LRRC49: variants seen among roughly 807,000 people sequenced by gnomAD.
The protein encoded by LRRC49 is leucine-rich repeat-containing protein 49.
A neutral mutation model predicts 83.3 loss-of-function variants in LRRC49; 50 were observed. The observed-to-expected ratio is 0.60, with a 90% confidence interval of 0.48 to 0.76. The LOEUF is 0.76. Ranked by LOEUF, LRRC49 falls within the 30% of genes least tolerant of loss-of-function variation. LRRC49 has a pLI of 0.00. For synonymous variants in LRRC49, 286 were observed against 283.3 expected, an observed-to-expected ratio of 1.01 and a Z score of -0.10; for missense variants, 704 against 809.1, an observed-to-expected ratio of 0.87 and a Z score of 1.58.
chr15:70,893,604 G>T lies in LRRC49; in HGVS notation c.69G>T (p.Leu23=), dbSNP rs747499387. ...AANNVNCGLH[L]VIQTSSLPEK... ...TTCAGGTGAACTGCGGGCTTCATCTGGTTATTCAAACATCATCGCTTCCTG... is the reference window on the plus strand; with the variant it reads ...TTCAGGTGAACTGCGGGCTTCATCTTGTTATTCAAACATCATCGCTTCCTG... The change falls in exon 2 of 16, where the codon CTG becomes CTT. Residue 23 remains leucine (L), a synonymous_variant. Coordinates refer to ENST00000260382, the MANE Select transcript of LRRC49 (RefSeq NM_017691.5). 6.2e-7 allele frequency: 1 copy of T among 1,610,216 alleles called. No individual in the cohort carries two copies. The highest frequency in any genetic ancestry group is 8.5e-7 in the Non-Finnish European group (1 of 1,178,234).
intron 14 of LRRC49, among the ~76,000 whole-genome samples, chr15:71,026,718 T>C (rs369288700): frequency 1.3e-5 from 2 of 152,252 alleles, no homozygotes; most frequent in South Asian, 2.1e-4. Context: ...TTCATGTGTT[T>C]GTTGGCCACA....
intron 15 of LRRC49, 35 bp downstream of exon 15, chr15:71,037,367 A>G (rs2141298799): frequency 1.3e-6 from 2 of 1,540,118 alleles, no homozygotes; most frequent in East Asian, 4.6e-5. Context: ...ATCTAATGCC[A>G]GGATATATCC....
At chr15:70,920,200 T>C (rs1596021055) in intron 7 of LRRC49, among the ~76,000 whole-genome samples, 3 of 152,196 alleles carry the variant, frequency 2.0e-5, no homozygotes, top group Admixed American at 2.0e-4. Flanking sequence ...AAGAACTAAG[T>C]GTACTATAAA....
rs1595960385 is a variant in LRRC49 at position 70,854,295 on chromosome 15, G to A, written c.-299+826G>A. On this transcript the variant is annotated intron_variant, in intron 1 of 16. Transcript: ENST00000544974. ...CCCCGACCGCTAGTGGAGCGCCCGC[G>A]CAGGCGGGGCCTCGGAGGTGGAGGG... The A allele has an allele frequency of 1.7e-5, 3 of 175,498 alleles. No individual in the cohort carries two copies. The South Asian group carries it at 4.9e-4, about 29-fold the overall frequency. The allele number at this position is 175,498 out of a possible 1,614,324, so 10.9% of individuals were successfully genotyped here.
At chr15:70,964,064 A>G in intron 9 of LRRC49, 132 bp downstream of exon 9, 1 of 773,064 alleles carries the variant, frequency 1.3e-6, no homozygotes, top group East Asian at 3.1e-5. Flanking sequence ...TATACTTCAT[A>G]ATTGCAATTA....
At chr15:70,959,539 A>AAGGAAGGG (rs2141191914) in intron 8 of LRRC49, among the ~76,000 whole-genome samples, 1 of 8,028 alleles carries the variant, frequency 1.2e-4, no homozygotes, top group African/African-American at 2.1e-4. Context: ...GAAAGGAGGG[A>AAGGAAGGG]AGGAAGGAAG....
intron 15 of LRRC49, among the ~76,000 whole-genome samples, chr15:71,044,764 C>T (rs754663665): frequency 2.8e-4 from 43 of 151,430 alleles, no homozygotes; most frequent in Non-Finnish European, 6.2e-4. Flanking sequence ...CTAGCCTGGG[C>T]AGCAGAGTGA....
intron 5 of LRRC49, chr15:70,907,319 G>A (rs1006251431): frequency 6.6e-5 from 10 of 152,212 alleles, no homozygotes; most frequent in Non-Finnish European, 1.2e-4. Context: ...GGGCAATCAT[G>A]CCTCTGGGTT....
intron 5 of LRRC49, among the ~76,000 whole-genome samples, chr15:70,910,505 G>C (rs1337900875): frequency 6.6e-6 from 1 of 152,160 alleles, no homozygotes; most frequent in Non-Finnish European, 1.5e-5. Context: ...AAAATAGATG[G>C]TGATAAATAT....
At chr15:70,858,372 C>A (rs1220351916) in intron 1 of LRRC49, among the ~76,000 whole-genome samples, 1 of 152,126 alleles carries the variant, frequency 6.6e-6, no homozygotes, top group Non-Finnish European at 1.5e-5. Context: ...GAGGCCGAGG[C>A]GGGCAAATCA....
upstream of LRRC49, among the ~76,000 whole-genome samples, chr15:70,889,682 C>T (rs1223011605): frequency 6.6e-6 from 1 of 152,032 alleles, no homozygotes; most frequent in African/African-American, 2.4e-5. Flanking sequence ...TTTTGGAAGC[C>T]CCCTAAAGAT....
chr15:70,904,704 G>T lies in LRRC49; in HGVS notation c.449G>T (p.Ser150Ile), dbSNP rs759723850. ...TATGATAACCAGATTGAAGAAATTA[G>T]TGGGCTTTCGACTCTGAGATGTCTT... ...DLYDNQIEEI[S>I]GLSTLRCLRV... The change falls in exon 5 of 16, where the codon AGT becomes ATT. Residue 150 changes from serine to isoleucine, a missense_variant. Physicochemically the swap from Ser to Ile is moderately radical, Grantham distance 142. Around this residue, in one of 3 missense-constraint regions of LRRC49, gnomAD observed 261 missense variants for 330.5 expected, o/e 0.79. Coordinates refer to ENST00000260382, the MANE Select transcript of LRRC49 (RefSeq NM_017691.5). 1 of 1,613,738 alleles carries T rather than the reference G, an allele frequency of 6.2e-7. No individual in the cohort carries two copies. The highest frequency in any genetic ancestry group is 1.1e-5 in the South Asian group (1 of 91,046).
chr15:70,863,504 C>T (rs2032841181), intron 1 of LRRC49, among the ~76,000 whole-genome samples: 2 of 152,228 alleles, frequency 1.3e-5, no homozygotes, highest in South Asian at 4.1e-4. Context: ...CAAACTATGA[C>T]CTCTGCTGGA....
intron 2 of LRRC49, among the ~76,000 whole-genome samples, chr15:70,883,963 T>G (rs16954977): frequency 0.022 from 3,380 of 152,084 alleles, 136 homozygotes; most frequent in African/African-American, 0.076. Flanking sequence ...GCGGTGAAAT[T>G]TGATTTGTAG....
At chr15:70,874,379 T>G (rs955855011) in intron 2 of LRRC49, among the ~76,000 whole-genome samples, 8 of 152,144 alleles carry the variant, frequency 5.3e-5, no homozygotes, top group Admixed American at 3.3e-4. Context: ...TTATTTGAAC[T>G]GGGATCAAGA....
intron 7 of LRRC49, among the ~76,000 whole-genome samples, chr15:70,926,416 T>C (rs1368321419): frequency 6.6e-6 from 1 of 152,156 alleles, no homozygotes; most frequent in Non-Finnish European, 1.5e-5. Context: ...GGTGGACAAA[T>C]GCTCTCATTT....
At chr15:70,854,887 A>G (rs1316484471) in intron 1 of LRRC49, among the ~76,000 whole-genome samples, 3 of 152,202 alleles carry the variant, frequency 2.0e-5, no homozygotes, top group Non-Finnish European at 4.4e-5. Flanking sequence ...CCCTGCACAT[A>G]GTATGCACTC....
intron 9 of LRRC49, 110 bp from the exon 10 acceptor site, chr15:70,979,991 A>G (rs374888194): frequency 2.6e-5 from 16 of 608,920 alleles, no homozygotes; most frequent in African/African-American, 2.1e-4. Context: ...ATTTTCTGCT[A>G]GTAAATACTA....
intron 1 of LRRC49, among the ~76,000 whole-genome samples, chr15:70,871,432 T>A (rs1263457602): frequency 6.6e-6 from 1 of 152,028 alleles, no homozygotes; most frequent in Non-Finnish European, 1.5e-5. Flanking sequence ...AAAACCCCCA[T>A]CGTCATCATG....
Sources: allele counts gnomAD v4.1 joint callset (sites outside exome capture counted in the v4.1 genomes callset), GRCh38; gene constraint gnomAD v4.1.1; regional missense constraint gnomAD v4.1.1; transcripts MANE v1.5; gene names NCBI Gene and HGNC (gene_info 2026-07-23, HGNC 2026-07-21).